SEMA3E: variants seen among roughly 807,000 people sequenced by gnomAD.
The protein encoded by SEMA3E is semaphorin-3E.
Under a neutral mutation model 93.6 loss-of-function variants are expected in SEMA3E, and 49 were observed. The observed-to-expected ratio is 0.52, with a 90% confidence interval of 0.42 to 0.66. The LOEUF is 0.66. Ranked by LOEUF, SEMA3E falls within the 30% of genes least tolerant of loss-of-function variation. SEMA3E has a pLI of 0.00. For missense variants in SEMA3E, 906 were observed against 964.8 expected, an observed-to-expected ratio of 0.94 and a Z score of 0.81; for synonymous variants, 363 against 330.7, an observed-to-expected ratio of 1.10 and a Z score of -1.06.
chr7:83,459,992 G>C (rs1016186266), intron 4 of SEMA3E, among the ~76,000 whole-genome samples: 1 of 151,914 alleles, frequency 6.6e-6, no homozygotes, highest in Non-Finnish European at 1.5e-5. Context: ...CCTATAAAAC[G>C]GCCCCACCCT....
In SEMA3E at chr7:83,400,150, A is replaced by G. The variant is rs1436650499; in HGVS notation, c.1244T>C (p.Ile415Thr). Residue 415 changes from isoleucine to threonine, a missense_variant, in exon 11 of 17, where the codon ATA becomes ACA. Physicochemically the swap from Ile to Thr is moderately conservative, Grantham distance 89. Transcript: ENST00000643230. ...TATTGGTTTTTTATGGGCAGGTTTT[A>G]TGGCCTGGTACATTAGTGGATGACT... ...ARSHPLMYQA[I>T]KPAHKKPILV... 6.2e-7 allele frequency: 1 copy of G among 1,613,890 alleles called. No individual in the cohort carries two copies. Among genetic ancestry groups the G allele is most frequent in the Non-Finnish European group, 8.5e-7 (1 of 1,179,950 alleles).
At chr7:83,455,482 CCTTT>C (rs928189492) in intron 4 of SEMA3E, among the ~76,000 whole-genome samples, 6 of 152,192 alleles carry the variant, frequency 3.9e-5, no homozygotes, top group Admixed American at 3.9e-4. Context: ...ATTAATGCAA[CCTTT>C]CTTTAACATG....
chr7:83,400,672 T>C, intron 10 of SEMA3E, among the ~76,000 whole-genome samples: 1 of 152,132 alleles, frequency 6.6e-6, no homozygotes, highest in East Asian at 1.9e-4. Context: ...ATTTCAAACA[T>C]GCAGCACAAG....
chr7:83,577,511 C>G lies in SEMA3E; in HGVS notation c.115+70917G>C, dbSNP rs913202745. Among the ~76,000 whole-genome samples the G allele has an allele frequency of 5.3e-5, 8 of 152,042 alleles. 1 individual carries two copies. In the South Asian group the frequency reaches 1.7e-3, roughly 32 times the overall value. The stretch of plus-strand genomic sequence containing the variant: ...GCGAGTAGCCATTTCATCAATAGTG[C>G]ATTTATTTATTTTACAGGTAGGAGA... On this transcript the variant is annotated intron_variant, in intron 1 of 16. Transcript: ENST00000643230.
chr7:83,441,225 G>T (rs150394730), intron 4 of SEMA3E, among the ~76,000 whole-genome samples: 1 of 152,290 alleles, frequency 6.6e-6, no homozygotes, highest in African/African-American at 2.4e-5. Context: ...GGAAAAGTTA[G>T]GTTACAAAAA....
At chr7:83,513,355 A>G (rs868204356) in intron 1 of SEMA3E, among the ~76,000 whole-genome samples, 1 of 152,134 alleles carries the variant, frequency 6.6e-6, no homozygotes. Context: ...TTCCCATAGC[A>G]CTTCCAAATG....
chr7:83,379,598 A>T (rs1052961584), intron 16 of SEMA3E, among the ~76,000 whole-genome samples: 1 of 151,844 alleles, frequency 6.6e-6, no homozygotes, highest in Non-Finnish European at 1.5e-5. Context: ...TTTTGGAGTT[A>T]GTTCACTTTG....
chr7:83,396,410 T>A (rs989648596), intron 12 of SEMA3E, among the ~76,000 whole-genome samples: 2 of 152,206 alleles, frequency 1.3e-5, no homozygotes, highest in African/African-American at 4.8e-5. Flanking sequence ...TAGTCACAGT[T>A]TATTCACTGA....
chr7:83,481,750 A>G (rs1790150190), intron 2 of SEMA3E, among the ~76,000 whole-genome samples: 1 of 152,220 alleles, frequency 6.6e-6, no homozygotes, highest in South Asian at 2.1e-4. Flanking sequence ...TTTAGAAAGC[A>G]AAGCCATTAT....
At chr7:83,575,576 A>T (rs1299856519) in intron 1 of SEMA3E, among the ~76,000 whole-genome samples, 1 of 152,128 alleles carries the variant, frequency 6.6e-6, no homozygotes, top group African/African-American at 2.4e-5. Context: ...GCTCTCACAA[A>T]AAAACTATTT....
intron 2 of SEMA3E, among the ~76,000 whole-genome samples, chr7:83,474,128 C>T (rs923053737): frequency 4.1e-5 from 6 of 146,054 alleles, no homozygotes; most frequent in South Asian, 2.2e-4. Context: ...AAAAATAAGA[C>T]GTATGCTTTT....
At chr7:83,383,033 A>C (rs984938670) in intron 16 of SEMA3E, among the ~76,000 whole-genome samples, 7 of 151,920 alleles carry the variant, frequency 4.6e-5, no homozygotes, top group African/African-American at 1.7e-4. Flanking sequence ...CAGAATCAAA[A>C]ATTTCAGTTA....
At chr7:83,441,299 G>A (rs892818952) in intron 4 of SEMA3E, among the ~76,000 whole-genome samples, 5 of 152,004 alleles carry the variant, frequency 3.3e-5, no homozygotes, top group Non-Finnish European at 4.4e-5. Context: ...ATGAAAGGAC[G>A]GGTTTTTAAG....
At chr7:83,628,295 C>G (rs537991906) in intron 1 of SEMA3E, among the ~76,000 whole-genome samples, 1 of 152,062 alleles carries the variant, frequency 6.6e-6, no homozygotes, top group African/African-American at 2.4e-5. Flanking sequence ...AGGTTATCTT[C>G]ATGGTGTTAT....
At chr7:83,441,844 G>T (rs868167502) in intron 4 of SEMA3E, among the ~76,000 whole-genome samples, 2 of 152,106 alleles carry the variant, frequency 1.3e-5, no homozygotes, top group East Asian at 1.9e-4. Flanking sequence ...GAGAGGAAAA[G>T]GTCTGCAAGA....
chr7:83,470,793 C>T, intron 2 of SEMA3E, among the ~76,000 whole-genome samples: 1 of 151,552 alleles, frequency 6.6e-6, no homozygotes, highest in Non-Finnish European at 1.5e-5. Context: ...CCTCAATAGT[C>T]CTATGCACAC....
Position 83,632,357 on chromosome 7 carries a change from C to T in SEMA3E, c.115+16071G>A, listed in dbSNP as rs151178534. Among the ~76,000 whole-genome samples, 74 of 152,236 alleles carry T rather than the reference C, an allele frequency of 4.9e-4. No homozygotes were observed. The East Asian group carries it at 0.012, about 25-fold the overall frequency. ...AGAGCATGATAACTATCTGATATGGCTTTGTTGTGCCCCACCCAAATCTCA... is the reference window on the plus strand; with the variant it reads ...AGAGCATGATAACTATCTGATATGGTTTTGTTGTGCCCCACCCAAATCTCA... On this transcript the variant is annotated intron_variant, in intron 1 of 16. Transcript: ENST00000643230.
At chr7:83,639,110 CAAAAAAAAAAAAAA>C (rs1172097095) in intron 1 of SEMA3E, among the ~76,000 whole-genome samples, 4 of 27,436 alleles carry the variant, frequency 1.5e-4, no homozygotes, top group Non-Finnish European at 1.8e-4. Flanking sequence ...GACTCCGTCT[CAAAAAAAAAAAAAA>C]AAAAAAAAAA....
In SEMA3E at chr7:83,648,548, C is replaced by A; in HGVS notation, c.-6G>T. On this transcript the variant is annotated 5_prime_UTR_variant, in exon 1 of 17. Transcript: ENST00000643230. Reference sequence around the variant, plus strand: ...ATGTGCCCCGCGGATGCCATGCTGCCGTGTTCACCGTCCAAGCCCTCGCTC... The same window carrying A: ...ATGTGCCCCGCGGATGCCATGCTGCAGTGTTCACCGTCCAAGCCCTCGCTC... 2 of 1,605,276 alleles carry A rather than the reference C, an allele frequency of 1.2e-6. No homozygotes were observed. The highest frequency in any genetic ancestry group is 1.7e-6 in the Non-Finnish European group (2 of 1,172,486).
Sources: gnomAD v4.1 joint callset for allele counts (sites outside exome capture counted in the v4.1 genomes callset) on GRCh38, gnomAD v4.1.1 for gene constraint, MANE v1.5 for transcripts, NCBI Gene and HGNC (gene_info 2026-07-23, HGNC 2026-07-21) for gene names.